The following KCNMA1 variants were observed in gnomAD, a reference collection of about 807,000 sequenced individuals.
KCNMA1 encodes the protein potassium calcium-activated channel subfamily M alpha 1, also known as Calcium-activated potassium channel subunit alpha-1.
Under a neutral mutation model 140.0 loss-of-function variants are expected in KCNMA1, and 29 were observed. That is an observed-to-expected ratio of 0.21 (90% confidence interval 0.15 to 0.28). The LOEUF is 0.28. Ranked by LOEUF, KCNMA1 falls within the 10% of genes least tolerant of loss-of-function variation. The pLI is 1.00. For synonymous variants in KCNMA1, 612 were observed against 611.9 expected (o/e 1.00, Z 0.00); for missense variants, 880 against 1,602.2 (o/e 0.55, Z 7.70).
chr10:77,562,878 T>C (rs1467788638), intron 1 of KCNMA1, among the ~76,000 whole-genome samples: 1 of 152,212 alleles, frequency 6.6e-6, no homozygotes, highest in African/African-American at 2.4e-5. Flanking sequence ...CTTAACAAAG[T>C]AGACATTGCA....
chr10:76,929,401 CCT>C (rs2058699569), intron 23 of KCNMA1, among the ~76,000 whole-genome samples: 1 of 152,178 alleles, frequency 6.6e-6, no homozygotes, highest in African/African-American at 2.4e-5. Flanking sequence ...ATGGACACCC[CCT>C]GGTTTATTTT....
At position 77,552,418 on chromosome 10, in the gene KCNMA1, C is replaced by T. The variant is rs919146686; in HGVS notation, c.378+84847G>A. Among the ~76,000 whole-genome samples the T allele has an allele frequency of 7.2e-5, 11 of 152,272 alleles. No homozygotes were observed. In the East Asian group the frequency reaches 1.7e-3, roughly 24 times the overall value. On this transcript the variant is annotated intron_variant, in intron 1 of 27. Transcript: ENST00000286628. The stretch of plus-strand genomic sequence containing the variant: ...GAACAAGAAGTGCATAAACACATTT[C>T]AGGGATGTAGGGAAGACTAAAAGGG...
At chr10:76,899,004 AT>A (rs1355258874) in intron 25 of KCNMA1, among the ~76,000 whole-genome samples, 1 of 152,070 alleles carries the variant, frequency 6.6e-6, no homozygotes, top group African/African-American at 2.4e-5. Flanking sequence ...AATAAGGAGA[AT>A]AAAATGTCAG....
chr10:77,142,943 C>G (rs1316222549), intron 5 of KCNMA1, among the ~76,000 whole-genome samples: 1 of 152,166 alleles, frequency 6.6e-6, no homozygotes, highest in Non-Finnish European at 1.5e-5. Context: ...AACATTCCCA[C>G]AAAGAAAATT....
chr10:76,958,433 T>C (rs925998281), intron 20 of KCNMA1, among the ~76,000 whole-genome samples: 2 of 152,254 alleles, frequency 1.3e-5, no homozygotes, highest in African/African-American at 4.8e-5. Flanking sequence ...TTTAGGGTAA[T>C]AGAAACTCTA....
chr10:76,995,405 G>A (rs2083951095), intron 19 of KCNMA1: 1 of 377,474 alleles, frequency 2.6e-6, no homozygotes, highest in Non-Finnish European at 5.5e-6. Context: ...CCTGGTGCAG[G>A]TGGAGGAAAG....
intron 2 of KCNMA1, among the ~76,000 whole-genome samples, chr10:77,268,149 G>C (rs1373237475): frequency 6.6e-6 from 1 of 152,180 alleles, no homozygotes; most frequent in Non-Finnish European, 1.5e-5. Context: ...AATACATCCT[G>C]ACACACTGGC....
intron 1 of KCNMA1, among the ~76,000 whole-genome samples, chr10:77,589,531 C>T (rs2078324224): frequency 1.3e-5 from 2 of 152,182 alleles, no homozygotes; most frequent in African/African-American, 4.8e-5. Flanking sequence ...GCTGAACACA[C>T]ACACACACAC....
intron 26 of KCNMA1, 170 bp from the exon 27 acceptor site, chr10:76,889,739 C>T: frequency 1.5e-6 from 1 of 684,496 alleles, no homozygotes; most frequent in South Asian, 1.6e-5. Context: ...TAACAGACTA[C>T]ACCCAATATG....
chr10:77,024,600 T>C (rs1192381416), intron 16 of KCNMA1, among the ~76,000 whole-genome samples: 1 of 152,166 alleles, frequency 6.6e-6, no homozygotes, highest in East Asian at 1.9e-4. Context: ...GATTTAGTCA[T>C]GCTTCATGCA....
chr10:77,402,586 G>A (rs911823731), intron 2 of KCNMA1, among the ~76,000 whole-genome samples: 3 of 152,100 alleles, frequency 2.0e-5, no homozygotes, highest in African/African-American at 4.8e-5. Flanking sequence ...CAAGCACCAC[G>A]TTCATTCTCT....
chr10:77,476,278 T>G (rs980331199), intron 1 of KCNMA1, among the ~76,000 whole-genome samples: 7 of 152,146 alleles, frequency 4.6e-5, no homozygotes, highest in Non-Finnish European at 8.8e-5. Context: ...ACATTATAAA[T>G]CAGAAAACAA....
intron 1 of KCNMA1, among the ~76,000 whole-genome samples, chr10:77,470,799 T>G (rs1233085760): frequency 6.6e-6 from 1 of 152,174 alleles, no homozygotes; most frequent in African/African-American, 2.4e-5. Flanking sequence ...AACTACTTCT[T>G]TAGAAGCACA....
chr10:77,612,861 C>T (rs2087519356), intron 1 of KCNMA1, among the ~76,000 whole-genome samples: 2 of 152,146 alleles, frequency 1.3e-5, no homozygotes, highest in Admixed American at 1.3e-4. Context: ...CCCTCTAAGC[C>T]ATTTGCTTAT....
intron 1 of KCNMA1, among the ~76,000 whole-genome samples, chr10:77,472,843 C>T (rs1254264050): frequency 6.6e-6 from 1 of 152,170 alleles, no homozygotes; most frequent in Admixed American, 6.5e-5. Context: ...GCAGGTGGAA[C>T]CCAGAGATCA....
At chr10:77,263,157 A>G (rs1206720403) in intron 2 of KCNMA1, among the ~76,000 whole-genome samples, 2 of 152,148 alleles carry the variant, frequency 1.3e-5, no homozygotes, top group Non-Finnish European at 2.9e-5. Flanking sequence ...CTTGTATTAC[A>G]TGCAAGTGAC....
intron 2 of KCNMA1, among the ~76,000 whole-genome samples, chr10:77,263,956 C>T (rs1456483855): frequency 6.6e-6 from 1 of 152,140 alleles, no homozygotes; most frequent in East Asian, 1.9e-4. Context: ...CCTTCCTGCC[C>T]TCACCTCAGA....
intron 5 of KCNMA1, among the ~76,000 whole-genome samples, chr10:77,142,647 C>T (rs11002043): frequency 0.018 from 2,774 of 152,094 alleles, 45 homozygotes; most frequent in South Asian, 0.041. Flanking sequence ...AAGTAGATGG[C>T]CTGGTCCTGA....
chr10:77,162,169 C>T (rs1257552574), intron 5 of KCNMA1, among the ~76,000 whole-genome samples: 1 of 152,168 alleles, frequency 6.6e-6, no homozygotes. Context: ...AACTGTAATC[C>T]TATGAGCAAA....
Sources: gnomAD v4.1 joint callset for allele counts (sites outside exome capture counted in the v4.1 genomes callset) on GRCh38, gnomAD v4.1.1 for gene constraint, MANE v1.5 for transcripts, NCBI Gene and HGNC (gene_info 2026-07-23, HGNC 2026-07-21) for gene names.